The following CLDN6 variants were observed in gnomAD, a reference collection of about 807,000 sequenced individuals.
CLDN6 encodes claudin-6.
For missense variants in CLDN6, 279 were observed against 284.1 expected, an observed-to-expected ratio of 0.98 and a Z score of 0.13; for synonymous variants, 144 against 131.2, an observed-to-expected ratio of 1.10 and a Z score of -0.67.
intron 1 of CLDN6, among the ~76,000 whole-genome samples, chr16:3,017,670 C>A (rs1309013060): frequency 5.3e-5 from 8 of 152,138 alleles, no homozygotes; most frequent in Middle Eastern, 3.4e-3. Context: ...AGGGTCGGGG[C>A]CGCGCTGGTA....
At chr16:3,016,994 A>G (rs1362681701) in intron 1 of CLDN6, among the ~76,000 whole-genome samples, 2 of 151,724 alleles carry the variant, frequency 1.3e-5, no homozygotes, top group Non-Finnish European at 2.9e-5. Context: ...CAAGTTGGCC[A>G]GGCGGGTCTC....
At chr16:3,016,518 T>TA (rs1219105461) in intron 1 of CLDN6, among the ~76,000 whole-genome samples, 1 of 152,248 alleles carries the variant, frequency 6.6e-6, no homozygotes, top group Non-Finnish European at 1.5e-5. Flanking sequence ...TCTCGCTCTG[T>TA]GGCCCAGGCT....
rs768486660 is a variant in CLDN6, at chr16:3,015,820, C to T, written c.202G>A (p.Asp68Asn). 21 of 1,614,034 alleles carry T rather than the reference C, an allele frequency of 1.3e-5. No homozygotes were observed. The highest frequency in any genetic ancestry group is 2.7e-5 in the African/African-American group (2 of 74,954). The stretch of plus-strand genomic sequence containing the variant: ...TCCTGTGGCAGCGCCAGCAGTGAGT[C>T]GTACACCTTGCACTGCATCTGGCCG... ...STGQMQCKVY[D>N]SLLALPQDLQ... Residue 68 changes from aspartate (D) to asparagine (N), a missense_variant, in exon 2 of 2, where the codon GAC (aspartate) becomes AAC (asparagine). Transcript: ENST00000328796.
chr16:3,016,826 T>A (rs1012798921), intron 1 of CLDN6, among the ~76,000 whole-genome samples: 1 of 152,000 alleles, frequency 6.6e-6, no homozygotes, highest in Non-Finnish European at 1.5e-5. Flanking sequence ...TTTTTTGTAT[T>A]TTTAGTAGAG....
chr16:3,016,346 T>C (rs115610158), intron 1 of CLDN6, among the ~76,000 whole-genome samples: 41 of 152,242 alleles, frequency 2.7e-4, no homozygotes, highest in African/African-American at 9.4e-4. Context: ...ACAATGACAG[T>C]CCAAGGCCAG....
rs762919669 is a variant in CLDN6 at position 3,015,515 on chromosome 16, C to T, written c.507G>A (p.Ala169=). 87 of 1,612,260 alleles carry T rather than the reference C, an allele frequency of 5.4e-5. No individual in the cohort carries two copies. Among genetic ancestry groups the T allele is most frequent in the Non-Finnish European group, 7.0e-5 (83 of 1,179,552 alleles). ...ELGASLYLGW[A]ASGLLLLGGG... is the part of the protein sequence containing the mutation. ...CACCCAGCAACAAAAGGCCTGAGGC[C>T]GCCCAGCCCAAGTAGAGGGAGGCCC... The change falls in exon 2 of 2, where the codon GCG becomes GCA. Residue 169 remains alanine, a synonymous_variant. Transcript: ENST00000328796.
chr16:3,016,839 G>A (rs1432945431), intron 1 of CLDN6, among the ~76,000 whole-genome samples: 1 of 151,624 alleles, frequency 6.6e-6, no homozygotes, highest in Non-Finnish European at 1.5e-5. Flanking sequence ...TAGTAGAGAC[G>A]GGGTTTCACT....
At chr16:3,016,134 G>A in intron 1 of CLDN6, 92 bp from the exon 2 acceptor site, 1 of 1,211,858 alleles carries the variant, frequency 8.3e-7, no homozygotes, top group Non-Finnish European at 1.1e-6. Flanking sequence ...ATGCACCCTG[G>A]AAAGTGGTCA....
chr16:3,018,031 A>ACT (rs2072579127), intron 1 of CLDN6, 118 bp downstream of exon 1: 1 of 151,272 alleles, frequency 6.6e-6, no homozygotes, highest in Non-Finnish European at 1.5e-5. Flanking sequence ...CCCCTCAGGG[A>ACT]CTCGCCCATC....
Position 3,015,461 on chromosome 16 carries a change from C to A in CLDN6, c.561G>T (p.Ser187=). 4 of 1,587,730 alleles carry A rather than the reference C, an allele frequency of 2.5e-6. No homozygotes were observed. The highest frequency in any genetic ancestry group is 3.4e-6 in the Non-Finnish European group (4 of 1,166,242). Residue 187 remains serine (S), a synonymous_variant, in exon 2 of 2, where the codon TCG becomes TCT. Transcript: ENST00000328796. ...GGGLLCCTCP[S]GGSQGPSHYM... ...AATGGCTGGGGCCCTGGGACCCCCC[C>A]GAGGGGCAAGTGCAGCACAGCAACC...
At chr16:3,017,465 G>A (rs973461285) in intron 1 of CLDN6, among the ~76,000 whole-genome samples, 2 of 152,106 alleles carry the variant, frequency 1.3e-5, no homozygotes, top group African/African-American at 4.8e-5. Context: ...GGGCCGGGCT[G>A]TGGCCTCCCA....
At position 3,014,836 on chromosome 16, in the gene CLDN6, C is replaced by A. The variant is rs1365324439; in HGVS notation, c.*523G>T. ...GGGGTCTACATAGCTGGGACCTGGC[C>A]CTGGGGGGTGGACGTCTTATCAGGA... On this transcript the variant is annotated 3_prime_UTR_variant, in exon 2 of 2. Coordinates refer to ENST00000328796, the MANE Select transcript of CLDN6 (RefSeq NM_021195.5). 9.9e-6 allele frequency: 3 copies of A among 303,436 alleles called. No individual in the cohort carries two copies. The highest frequency in any genetic ancestry group is 6.6e-5 in the African/African-American group (3 of 45,124). 18.8% of individuals were successfully genotyped at this position (303,436 alleles called of 1,614,324 possible).
Position 3,016,038 on chromosome 16 carries a change from C to A in CLDN6, c.-17G>T, listed in dbSNP as rs2072565441. ...AGAGGCCATGGCGAGGTTGAAGGAGCTGCACTGTGTTTGGGACAGAAGCAC... is the reference window on the plus strand; with the variant it reads ...AGAGGCCATGGCGAGGTTGAAGGAGATGCACTGTGTTTGGGACAGAAGCAC... On this transcript the variant is annotated 5_prime_UTR_variant, in exon 2 of 2. Transcript: ENST00000328796. 2 of 1,607,688 alleles carry A rather than the reference C, an allele frequency of 1.2e-6. No individual in the cohort carries two copies. Among genetic ancestry groups the A allele is most frequent in the East Asian group, 4.5e-5 (2 of 44,808 alleles).
rs1474128671 is a variant in CLDN6 at position 3,015,054 on chromosome 16, CA to C, written c.*304del. On this transcript the variant is annotated 3_prime_UTR_variant, in exon 2 of 2. Transcript: ENST00000328796. ...GGGACAGTCTGTCTTGTTGCAAAGC[CA>C]GCACAGCAAGCAGCCTCCGCATTAG... The C allele has an allele frequency of 1.6e-5, 7 of 429,662 alleles. No individual in the cohort carries two copies. Among genetic ancestry groups the C allele is most frequent in the Non-Finnish European group, 2.5e-5 (6 of 244,498 alleles). 26.6% of individuals were successfully genotyped at this position (429,662 alleles called of 1,614,324 possible).
intron 1 of CLDN6, among the ~76,000 whole-genome samples, 185 bp downstream of exon 1, chr16:3,017,964 C>A (rs755338961): frequency 6.6e-6 from 1 of 151,642 alleles, no homozygotes; most frequent in Admixed American, 6.6e-5. Flanking sequence ...GGCGTTTAAC[C>A]CTTGGGAGCC....
chr16:3,017,895 G>T (rs988788028), intron 1 of CLDN6, among the ~76,000 whole-genome samples: 1 of 151,492 alleles, frequency 6.6e-6, no homozygotes, highest in Admixed American at 6.6e-5. Flanking sequence ...CGAGAGGCAA[G>T]GCAGGTGGGG....
Position 3,016,015 on chromosome 16 carries a change from A to C in CLDN6, c.7T>G (p.Ser3Ala). 6.2e-7 allele frequency: 1 copy of C among 1,613,314 alleles called. No homozygotes were observed. Among genetic ancestry groups the C allele is most frequent in the Non-Finnish European group, 8.5e-7 (1 of 1,179,438 alleles). Reference sequence around the variant, plus strand: ...ACTCCCAGGATCTGCATTCCGGCAGAGGCCATGGCGAGGTTGAAGGAGCTG... The same window carrying C: ...ACTCCCAGGATCTGCATTCCGGCAGCGGCCATGGCGAGGTTGAAGGAGCTG... Reference protein sequence around the residue: MASAGMQILGVVL... With the variant: MAAAGMQILGVVL... Residue 3 changes from serine (S) to alanine (A), a missense_variant, in exon 2 of 2, where the codon TCT becomes GCT. Transcript: ENST00000328796.
intron 1 of CLDN6, among the ~76,000 whole-genome samples, chr16:3,016,371 C>T (rs2072567333): frequency 6.6e-6 from 1 of 152,234 alleles, no homozygotes; most frequent in African/African-American, 2.4e-5. Flanking sequence ...AGTGATCAGG[C>T]TGCAAGGCGG....
Position 3,014,896 on chromosome 16 carries a change from G to C in CLDN6, c.*463C>G. The C allele has an allele frequency of 5.3e-6, 2 of 379,674 alleles. No individual in the cohort carries two copies. The highest frequency in any genetic ancestry group is 7.6e-5 in the East Asian group (2 of 26,366). The allele number at this position is 379,674 out of a possible 1,614,324, so 23.5% of individuals were successfully genotyped here. On this transcript the variant is annotated 3_prime_UTR_variant, in exon 2 of 2. Coordinates refer to ENST00000328796, the MANE Select transcript of CLDN6 (RefSeq NM_021195.5). ...CAGAGGTCAGAAGTTCCGGAGGTGG[G>C]CAGTCCTTTGTTAACAGATCATTTG...
Sources: gnomAD v4.1 joint callset for allele counts (sites outside exome capture counted in the v4.1 genomes callset) on GRCh38, gnomAD v4.1.1 for gene constraint, MANE v1.5 for transcripts, NCBI Gene and HGNC (gene_info 2026-07-23, HGNC 2026-07-21) for gene names.